TMEM132D: variants seen among roughly 807,000 people sequenced by gnomAD.
The protein encoded by TMEM132D is mature OL transmembrane protein.
Under a neutral mutation model 62.3 loss-of-function variants are expected in TMEM132D, and 21 were observed. The observed-to-expected ratio is 0.34, with a 90% CI of 0.24 to 0.49. The LOEUF (loss-of-function observed/expected upper bound fraction) is 0.49. TMEM132D is among the 20% of genes least tolerant of loss of function. The pLI is 0.99. For synonymous variants in TMEM132D, 621 were observed against 575.6 expected, an observed-to-expected ratio of 1.08 and a Z score of -1.13; for missense variants, 1,346 against 1,402.8, an observed-to-expected ratio of 0.96 and a Z score of 0.65.
At chr12:129,330,122 C>T (rs564299215) in intron 4 of TMEM132D, among the ~76,000 whole-genome samples, 5 of 152,208 alleles carry the variant, frequency 3.3e-5, no homozygotes, top group South Asian at 4.2e-4. Context: ...GATTCCTTAA[C>T]GATTACATGA....
At chr12:129,888,357 GT>G (rs1030600217) in intron 1 of TMEM132D, among the ~76,000 whole-genome samples, 1 of 152,012 alleles carries the variant, frequency 6.6e-6, no homozygotes, top group African/African-American at 2.4e-5. Flanking sequence ...CCTCTTTTTG[GT>G]TAAATATTAG....
Position 129,078,817 on chromosome 12 carries a change from G to A in TMEM132D, c.1924-92C>T, listed in dbSNP as rs537037049. On this transcript the variant is annotated intron_variant, in intron 7 of 8. Transcript: ENST00000422113. The stretch of plus-strand genomic sequence containing the variant: ...GAGGAAGTGCCAGTGTGCAGGCAGC[G>A]GCAGGGCAACATGTGAGCCAGAATG... 470 of 1,352,332 alleles carry A rather than the reference G, an allele frequency of 3.5e-4. 1 individual carries two copies. Among genetic ancestry groups the A allele is most frequent in the Admixed American group, 4.5e-4 (25 of 55,360 alleles). The allele number at this position is 1,352,332 out of a possible 1,614,324, so 83.8% of individuals were successfully genotyped here.
chr12:129,141,171 C>T (rs1225409415), intron 5 of TMEM132D, among the ~76,000 whole-genome samples: 1 of 152,168 alleles, frequency 6.6e-6, no homozygotes, highest in Non-Finnish European at 1.5e-5. Context: ...CTTGCTACCA[C>T]AAGAAAGTTG....
At chr12:129,472,825 A>C (rs2137048150) in intron 3 of TMEM132D, among the ~76,000 whole-genome samples, 1 of 152,342 alleles carries the variant, frequency 6.6e-6, no homozygotes, top group South Asian at 2.1e-4. Context: ...TCTTTCATGA[A>C]AACAAGAGTC....
intron 2 of TMEM132D, among the ~76,000 whole-genome samples, chr12:129,659,524 T>C (rs546498673): frequency 1.7e-4 from 26 of 152,136 alleles, no homozygotes; most frequent in Admixed American, 1.4e-3. Context: ...CATAAGAGAG[T>C]AGTCAGTTTG....
chr12:129,158,499 A>G (rs1877308007), intron 5 of TMEM132D, among the ~76,000 whole-genome samples: 1 of 152,224 alleles, frequency 6.6e-6, no homozygotes, highest in African/African-American at 2.4e-5. Context: ...GTGGTTTGGA[A>G]TTTCTTATTA....
At chr12:129,846,898 T>A (rs1024129990) in intron 1 of TMEM132D, among the ~76,000 whole-genome samples, 13 of 152,234 alleles carry the variant, frequency 8.5e-5, no homozygotes, top group African/African-American at 3.1e-4. Flanking sequence ...AATTCCAGTA[T>A]CTGGATCATC....
chr12:129,365,397 AAG>A (rs1870373271), intron 3 of TMEM132D, among the ~76,000 whole-genome samples: 1 of 152,158 alleles, frequency 6.6e-6, no homozygotes, highest in African/African-American at 2.4e-5. Flanking sequence ...AACCCTTATC[AAG>A]AGAGAATTTG....
rs1555254999 is a variant in TMEM132D, at chr12:129,425,419, T to TTTTC, written c.1116-87603_1116-87602insGAAA. On this transcript the variant is annotated intron_variant, in intron 3 of 8. Coordinates refer to ENST00000422113, the MANE Select transcript of TMEM132D (RefSeq NM_133448.3). ...CAGATGCTTGCACTTTTTTTTTTTT[T>TTTTC]CTAATCTCTGCTTTTGCTTCCATCA... is the stretch of plus-strand genomic sequence containing the variant. Among the ~76,000 whole-genome samples the TTTTC allele has an allele frequency of 1.1e-3, 164 of 151,106 alleles. 1 individual carries two copies. Among genetic ancestry groups the TTTTC allele is most frequent in the Non-Finnish European group, 1.7e-3 (118 of 67,736 alleles).
intron 5 of TMEM132D, among the ~76,000 whole-genome samples, chr12:129,118,998 C>T (rs183592361): frequency 6.6e-6 from 1 of 152,264 alleles, no homozygotes; most frequent in Admixed American, 6.5e-5. Context: ...GCTTACCTGC[C>T]CCCGGAACAG....
chr12:129,740,520 T>A (rs1869568311), intron 1 of TMEM132D, among the ~76,000 whole-genome samples: 1 of 152,236 alleles, frequency 6.6e-6, no homozygotes, highest in Admixed American at 6.5e-5. Context: ...CATGTCTATC[T>A]GACTAGCTGT....
chr12:129,661,337 G>A (rs1270052677), intron 2 of TMEM132D, among the ~76,000 whole-genome samples: 1 of 152,238 alleles, frequency 6.6e-6, no homozygotes, highest in East Asian at 1.9e-4. Flanking sequence ...TTCCTCAGCA[G>A]CTTCTGGAGT....
chr12:129,317,837 TTTC>T (rs1317965809), intron 4 of TMEM132D, among the ~76,000 whole-genome samples: 26 of 152,274 alleles, frequency 1.7e-4, no homozygotes, highest in African/African-American at 5.8e-4. Context: ...TTGTTCATAT[TTTC>T]TTATTATTTT....
intron 2 of TMEM132D, among the ~76,000 whole-genome samples, chr12:129,661,061 G>C (rs1880225354): frequency 6.6e-6 from 1 of 152,194 alleles, no homozygotes; most frequent in African/African-American, 2.4e-5. Flanking sequence ...TGGTAAACAG[G>C]GGAAGCATCT....
At chr12:129,527,138 A>T (rs1876070815) in intron 3 of TMEM132D, among the ~76,000 whole-genome samples, 1 of 152,066 alleles carries the variant, frequency 6.6e-6, no homozygotes, top group African/African-American at 2.4e-5. Context: ...GCAAAACCCC[A>T]CCTCTACTAT....
intron 2 of TMEM132D, among the ~76,000 whole-genome samples, chr12:129,640,626 T>C (rs1280676383): frequency 6.6e-6 from 1 of 152,216 alleles, no homozygotes; most frequent in East Asian, 1.9e-4. Flanking sequence ...ATCTCACTTC[T>C]GGTCATAACC....
At chr12:129,816,461 C>A (rs1872348323) in intron 1 of TMEM132D, among the ~76,000 whole-genome samples, 1 of 152,138 alleles carries the variant, frequency 6.6e-6, no homozygotes, top group Non-Finnish European at 1.5e-5. Context: ...CTATTTATTG[C>A]AAAAGGCCTG....
At chr12:129,292,221 T>C (rs79099189) in intron 4 of TMEM132D, among the ~76,000 whole-genome samples, 19,915 of 152,238 alleles carry the variant, frequency 0.13, 1,514 homozygotes, top group South Asian at 0.22. Context: ...GTCTTCCTTT[T>C]TGTTACACTG....
At chr12:129,271,314 T>A (rs1880847981) in intron 4 of TMEM132D, among the ~76,000 whole-genome samples, 2 of 151,856 alleles carry the variant, frequency 1.3e-5, no homozygotes, top group African/African-American at 4.9e-5. Flanking sequence ...AACAGAACCC[T>A]TTCCTGTGAT....
Sources: allele counts gnomAD v4.1 joint callset (sites outside exome capture counted in the v4.1 genomes callset), GRCh38; gene constraint gnomAD v4.1.1; transcripts MANE v1.5; gene names NCBI Gene and HGNC (gene_info 2026-07-23, HGNC 2026-07-21).